The following TRAF3 variants were observed in gnomAD, a reference collection of about 807,000 sequenced individuals.
TRAF3 encodes TNF receptor associated factor 3, also known as TNF receptor-associated factor 3.
A neutral mutation model predicts 62.3 loss-of-function variants in TRAF3; 13 were observed. The observed-to-expected ratio is 0.21, with a 90% CI of 0.14 to 0.33. TRAF3 has a LOEUF of 0.33. Among genes scored for constraint, TRAF3 ranks in the 10% least tolerant of loss-of-function variants. TRAF3 has a pLI of 1.00. For missense variants in TRAF3, 440 were observed against 741.8 expected (o/e 0.59, Z 4.73); for synonymous variants, 269 against 283.4 (o/e 0.95, Z 0.51).
At chr14:102,860,518 T>C (rs1887621059) in intron 2 of TRAF3, among the ~76,000 whole-genome samples, 1 of 152,212 alleles carries the variant, frequency 6.6e-6, no homozygotes, top group Non-Finnish European at 1.5e-5. Flanking sequence ...GTTTTAAATA[T>C]CTTATTACCC....
intron 1 of TRAF3, among the ~76,000 whole-genome samples, chr14:102,811,789 C>T (rs1257851869): frequency 6.8e-6 from 1 of 148,022 alleles, no homozygotes; most frequent in Admixed American, 6.7e-5. Context: ...ACTCTGCCAC[C>T]CAGGCTGGAG....
chr14:102,863,459 G>GT (rs1382568869), intron 2 of TRAF3, among the ~76,000 whole-genome samples: 2 of 152,190 alleles, frequency 1.3e-5, no homozygotes, highest in African/African-American at 4.8e-5. Context: ...AGGTCTGTGT[G>GT]TATGTTGGAG....
At chr14:102,814,172 T>C (rs929375878) in intron 1 of TRAF3, among the ~76,000 whole-genome samples, 1 of 152,232 alleles carries the variant, frequency 6.6e-6, no homozygotes, top group Non-Finnish European at 1.5e-5. Context: ...GAAGAGACTG[T>C]CCTTTCCCCA....
At chr14:102,802,843 T>G (rs916872460) in intron 1 of TRAF3, among the ~76,000 whole-genome samples, 1 of 151,914 alleles carries the variant, frequency 6.6e-6, no homozygotes, top group Admixed American at 6.6e-5. Flanking sequence ...AAAGAAATAC[T>G]CGAGACTGAG....
At chr14:102,812,308 A>G (rs936535436) in intron 1 of TRAF3, among the ~76,000 whole-genome samples, 9 of 152,030 alleles carry the variant, frequency 5.9e-5, no homozygotes, top group African/African-American at 2.2e-4. Flanking sequence ...CTCCACTTCT[A>G]TCCATGTTGC....
intron 2 of TRAF3, among the ~76,000 whole-genome samples, chr14:102,852,903 TA>T (rs1034335839): frequency 6.6e-6 from 1 of 151,890 alleles, no homozygotes; most frequent in African/African-American, 2.4e-5. Context: ...TTTTTATTAT[TA>T]TTTTTTTGAG....
chr14:102,832,044 TG>T (rs1900722838), intron 2 of TRAF3, among the ~76,000 whole-genome samples: 1 of 152,176 alleles, frequency 6.6e-6, no homozygotes, highest in Non-Finnish European at 1.5e-5. Context: ...ATTTTGTACT[TG>T]GGAAAGAAGT....
At chr14:102,866,616 G>A (rs977456739) in intron 2 of TRAF3, among the ~76,000 whole-genome samples, 1 of 152,120 alleles carries the variant, frequency 6.6e-6, no homozygotes, top group Non-Finnish European at 1.5e-5. Flanking sequence ...GGCTGATGTG[G>A]AAGGATCATT....
At chr14:102,836,788 T>G (rs1412406661) in intron 2 of TRAF3, among the ~76,000 whole-genome samples, 2 of 152,242 alleles carry the variant, frequency 1.3e-5, no homozygotes, top group African/African-American at 4.8e-5. Context: ...TATAAAAATA[T>G]GTCTGACATT....
intron 1 of TRAF3, among the ~76,000 whole-genome samples, chr14:102,788,614 A>ATGGTG (rs775048337): frequency 2.0e-5 from 3 of 152,204 alleles, no homozygotes; most frequent in Non-Finnish European, 4.4e-5. Context: ...CCTGGCCAAC[A>ATGGTG]TGGTGAAACC....
intron 1 of TRAF3, among the ~76,000 whole-genome samples, chr14:102,795,538 C>T (rs1476284971): frequency 1.3e-5 from 2 of 151,214 alleles, no homozygotes; most frequent in Admixed American, 1.3e-4. Flanking sequence ...GAGTGAGCTA[C>T]TGTGGTGTTA....
intron 1 of TRAF3, among the ~76,000 whole-genome samples, chr14:102,801,675 C>T (rs531878049): frequency 6.6e-6 from 1 of 151,932 alleles, no homozygotes; most frequent in African/African-American, 2.4e-5. Context: ...GCTGGGACCA[C>T]GAGTATGAGC....
intron 1 of TRAF3, among the ~76,000 whole-genome samples, chr14:102,781,175 AG>A (rs35726357): frequency 0.52 from 78,508 of 152,062 alleles, 22,865 homozygotes; most frequent in Middle Eastern, 0.73. Flanking sequence ...TCCCTCTTAC[AG>A]GGCCCCCTCC....
At chr14:102,868,051 G>A (rs1249019191) in intron 2 of TRAF3, among the ~76,000 whole-genome samples, 1 of 152,158 alleles carries the variant, frequency 6.6e-6, no homozygotes, top group Non-Finnish European at 1.5e-5. Flanking sequence ...CAAGGGCTCC[G>A]CCCGCCCACC....
chr14:102,802,414 A>G (rs1444999462), intron 1 of TRAF3, among the ~76,000 whole-genome samples: 1 of 150,536 alleles, frequency 6.6e-6, no homozygotes. Flanking sequence ...TCGGCCTCCC[A>G]AAGTGCTGGG....
At chr14:102,888,538 G>A (rs1480824276) in intron 7 of TRAF3, among the ~76,000 whole-genome samples, 1 of 152,170 alleles carries the variant, frequency 6.6e-6, no homozygotes, top group Admixed American at 6.5e-5. Context: ...GAACTTAGCT[G>A]CGCCCTCCAG....
At position 102,897,375 on chromosome 14, in the gene TRAF3, A is replaced by C; in HGVS notation, c.934A>C (p.Asn312His). ...GAGACAAAAGGAAATGCTTCGAAAT[A>C]ATGAATCCAAAATCCTTCATTTACA... Reference protein sequence around the residue: ...IERQKEMLRNNESKILHLQRV... With the variant: ...IERQKEMLRNHESKILHLQRV... Residue 312 changes from asparagine (N) to histidine (H), a missense_variant, in exon 10 of 12, where the codon AAT becomes CAT. Transcript: ENST00000392745. 1 of 1,614,012 alleles carries C rather than the reference A, an allele frequency of 6.2e-7. No individual in the cohort carries two copies.
At chr14:102,797,091 G>C (rs1005793555) in intron 1 of TRAF3, among the ~76,000 whole-genome samples, 1 of 152,214 alleles carries the variant, frequency 6.6e-6, no homozygotes, top group African/African-American at 2.4e-5. Context: ...GGGCCAGGGG[G>C]CAGCATCATT....
At chr14:102,882,268 T>C (rs1434643726) in intron 6 of TRAF3, among the ~76,000 whole-genome samples, 1 of 152,238 alleles carries the variant, frequency 6.6e-6, no homozygotes, top group East Asian at 1.9e-4. Flanking sequence ...GCCTGATTTG[T>C]GCAAACATTC....
Sources: allele counts gnomAD v4.1 joint callset (sites outside exome capture counted in the v4.1 genomes callset), GRCh38; gene constraint gnomAD v4.1.1; transcripts MANE v1.5; gene names NCBI Gene and HGNC (gene_info 2026-07-23, HGNC 2026-07-21).